Variants in SRGAP3 observed in about 807,000 individuals in gnomAD.
SRGAP3 encodes SLIT-ROBO Rho GTPase activating protein 3, also known as SLIT-ROBO Rho GTPase-activating protein 3.
In SRGAP3, 39 loss-of-function variants were observed where a neutral mutation model predicts 121.1. The observed-to-expected ratio is 0.32, with a 90% CI of 0.25 to 0.42. The LOEUF (loss-of-function observed/expected upper bound fraction) is 0.42. SRGAP3 is among the 10% of genes least tolerant of loss of function. SRGAP3 has a pLI of 1.00. For synonymous variants in SRGAP3, 601 were observed against 570.0 expected (o/e 1.05, Z -0.77); for missense variants, 1,213 against 1,470.6 (o/e 0.82, Z 2.86).
chr3:9,279,064 G>C lies in SRGAP3; in HGVS notation n.442+46946C>G, dbSNP rs564396414. The stretch of plus-strand genomic sequence containing the variant: ...TGAGACACAAGAATCGCTTGAGCCT[G>C]GGAGGCCAAGACTGCGCCATTGCAC... On this transcript the variant is annotated intron_variant and non_coding_transcript_variant, in intron 3 of 3. Coordinates refer to the SRGAP3 transcript ENST00000490889. Among the ~76,000 whole-genome samples the C allele has an allele frequency of 5.9e-5, 9 of 152,176 alleles. No individual in the cohort carries two copies. The South Asian group carries it at 1.9e-3, about 32-fold the overall frequency.
chr3:9,142,398 C>T (rs919461824), intron 1 of SRGAP3, among the ~76,000 whole-genome samples: 5 of 152,192 alleles, frequency 3.3e-5, no homozygotes, highest in Non-Finnish European at 7.4e-5. Context: ...AGACACATCT[C>T]CCAATGTCGT....
intron 1 of SRGAP3, among the ~76,000 whole-genome samples, chr3:9,340,416 T>C (rs1375686639): frequency 1.3e-5 from 2 of 152,188 alleles, no homozygotes; most frequent in East Asian, 1.9e-4. Flanking sequence ...GCTTCTCCAA[T>C]AGACTACTAG....
At position 9,119,759 on chromosome 3, in the gene SRGAP3, C is replaced by T. The variant is rs188568073; in HGVS notation, c.260+4966G>A. ...GAGCTACTGTCAGAAGTCTGATGCC[C>T]GGCTGAAGCAGGAGGCCCTGACACT... On this transcript the variant is annotated intron_variant, in intron 2 of 21. Transcript: ENST00000383836. Among the ~76,000 whole-genome samples, 8 of 152,304 alleles carry T rather than the reference C, an allele frequency of 5.3e-5. No individual in the cohort carries two copies. In the East Asian group the frequency reaches 1.5e-3, roughly 29 times the overall value.
intron 1 of SRGAP3, among the ~76,000 whole-genome samples, chr3:9,143,713 G>A (rs1410041382): frequency 6.6e-6 from 1 of 152,116 alleles, no homozygotes; most frequent in African/African-American, 2.4e-5. Flanking sequence ...CCCATAGGAA[G>A]TGTACATGAT....
At chr3:9,136,676 C>T (rs1949676924) in intron 1 of SRGAP3, among the ~76,000 whole-genome samples, 2 of 152,314 alleles carry the variant, frequency 1.3e-5, no homozygotes, top group South Asian at 4.1e-4. Context: ...CGCCCTTTTA[C>T]AGATGAGGAA....
chr3:9,095,138 T>C (rs1947917273), intron 3 of SRGAP3, among the ~76,000 whole-genome samples: 1 of 152,252 alleles, frequency 6.6e-6, no homozygotes, highest in East Asian at 1.9e-4. Context: ...CTGGGTTGTT[T>C]TTCCTTTTCT....
chr3:9,069,760 A>T (rs1946605466), intron 4 of SRGAP3, among the ~76,000 whole-genome samples: 2 of 152,186 alleles, frequency 1.3e-5, no homozygotes, highest in African/African-American at 2.4e-5. Context: ...CAGCCTGGCC[A>T]ACATAGTGAA....
intron 1 of SRGAP3, among the ~76,000 whole-genome samples, chr3:9,177,085 G>A (rs984032717): frequency 6.6e-6 from 1 of 152,136 alleles, no homozygotes; most frequent in African/African-American, 2.4e-5. Flanking sequence ...ACTGGCTCTA[G>A]GGAAGTGTAT....
At chr3:9,081,418 C>T in intron 3 of SRGAP3, 1 of 376,562 alleles carries the variant, frequency 2.7e-6, no homozygotes, top group Non-Finnish European at 5.2e-6. Flanking sequence ...AGAATCACTT[C>T]CCCCTTTGAG....
At chr3:9,049,925 G>A (rs1945486000) in intron 9 of SRGAP3, among the ~76,000 whole-genome samples, 3 of 149,750 alleles carry the variant, frequency 2.0e-5, no homozygotes, top group South Asian at 2.1e-4. Flanking sequence ...CCAAGTAGCT[G>A]GGACCTCAGC....
chr3:9,077,883 T>G (rs1002923363), intron 4 of SRGAP3, among the ~76,000 whole-genome samples: 4 of 152,108 alleles, frequency 2.6e-5, no homozygotes, highest in Non-Finnish European at 4.4e-5. Flanking sequence ...AACTGACAAG[T>G]GAAGGGACTT....
chr3:9,289,831 G>C (rs559227951), intron 3 of SRGAP3, among the ~76,000 whole-genome samples: 1 of 152,140 alleles, frequency 6.6e-6, no homozygotes. Flanking sequence ...GTTCAGGCTG[G>C]GAATGGTGGC....
At position 9,025,466 on chromosome 3, in the gene SRGAP3, C is replaced by T. The variant is rs4684620; in HGVS notation, c.1601-128G>A. 18 of 1,072,954 alleles carry T rather than the reference C, an allele frequency of 1.7e-5. No homozygotes were observed. The Admixed American group carries it at 1.9e-4, about 12-fold the overall frequency. The allele number at this position is 1,072,954 out of a possible 1,614,324, so 66.5% of individuals were successfully genotyped here. A position where few individuals can be genotyped will look rare whatever the true frequency, so the allele number is the denominator to read the frequency against. The stretch of plus-strand genomic sequence containing the variant: ...CTCCCCCGATCCTTTATAACAGAGT[C>T]GTTCCCTATGAATGTCTCCAGAAAT... On this transcript the variant is annotated intron_variant, in intron 13 of 21. Transcript: ENST00000383836.
intron 12 of SRGAP3, among the ~76,000 whole-genome samples, chr3:9,030,729 T>C (rs546201395): frequency 7.1e-4 from 108 of 152,316 alleles, no homozygotes; most frequent in African/African-American, 2.6e-3. Context: ...TCAAGTACTG[T>C]CAGATAAGAG....
chr3:9,145,119 A>G (rs1227740440), intron 1 of SRGAP3, among the ~76,000 whole-genome samples: 1 of 151,952 alleles, frequency 6.6e-6, no homozygotes, highest in South Asian at 2.1e-4. Context: ...ATTTTCAGAC[A>G]AGGTCTCACT....
At chr3:9,133,692 A>G (rs1282186544) in intron 1 of SRGAP3, among the ~76,000 whole-genome samples, 1 of 152,246 alleles carries the variant, frequency 6.6e-6, no homozygotes. Context: ...GCACATGTGC[A>G]GGAATATCAT....
chr3:9,314,593 T>C (rs2125279815), intron 3 of SRGAP3, among the ~76,000 whole-genome samples: 1 of 150,694 alleles, frequency 6.6e-6, no homozygotes, highest in Middle Eastern at 3.5e-3. Flanking sequence ...ACTGGGTGAG[T>C]TTTTTGTCTT....
At chr3:9,228,970 G>C (rs1467896228) in intron 1 of SRGAP3, among the ~76,000 whole-genome samples, 2 of 150,888 alleles carry the variant, frequency 1.3e-5, no homozygotes, top group African/African-American at 4.9e-5. Flanking sequence ...GCTGAGGCAG[G>C]AGAATGGCGT....
At chr3:9,040,483 T>G (rs1365334634) in intron 10 of SRGAP3, among the ~76,000 whole-genome samples, 4 of 152,216 alleles carry the variant, frequency 2.6e-5, no homozygotes, top group Non-Finnish European at 5.9e-5. Context: ...CCTTGTCTTT[T>G]GGGTCTCAAC....
Sources: allele counts gnomAD v4.1 joint callset (sites outside exome capture counted in the v4.1 genomes callset), GRCh38; gene constraint gnomAD v4.1.1; transcripts MANE v1.5; gene names NCBI Gene and HGNC (gene_info 2026-07-23, HGNC 2026-07-21).